The following RNF150 variants were observed in gnomAD, a reference collection of about 807,000 sequenced individuals.
RNF150 encodes the protein ring finger protein 150.
A neutral mutation model predicts 39.3 loss-of-function variants in RNF150; 24 were observed. The ratio of observed to expected loss-of-function variants is 0.61; its 90% confidence interval spans 0.44 to 0.86. The LOEUF is 0.86. Among genes scored for constraint, RNF150 ranks in the 40% least tolerant of loss-of-function variants. RNF150 has a pLI of 0.00. For missense variants in RNF150, 502 were observed against 587.8 expected (o/e 0.85, Z 1.51); for synonymous variants, 255 against 227.3 (o/e 1.12, Z -1.10).
chr4:141,182,155 AATTAGAT>A (rs1429235135), intron 1 of RNF150, among the ~76,000 whole-genome samples: 5 of 148,406 alleles, frequency 3.4e-5, no homozygotes, highest in East Asian at 2.0e-4. Flanking sequence ...ACTCTCAATA[AATTAGAT>A]ATTGATGGGA....
chr4:141,078,908 T>C (rs1738040596), intron 1 of RNF150, among the ~76,000 whole-genome samples: 2 of 145,536 alleles, frequency 1.4e-5, no homozygotes, highest in African/African-American at 2.7e-5. Context: ...TACACATACA[T>C]ATATACACAT....
Position 140,951,920 on chromosome 4 carries a change from T to TA in RNF150, c.736-2549dup, listed in dbSNP as rs149431516. Among the ~76,000 whole-genome samples the TA allele has an allele frequency of 1.4e-4, 22 of 152,018 alleles. 1 individual carries two copies. The South Asian group carries it at 3.7e-3, about 26-fold the overall frequency. On this transcript the variant is annotated intron_variant, in intron 2 of 6. Coordinates refer to ENST00000515673, the MANE Select transcript of RNF150 (RefSeq NM_020724.2). ...TAATATTGCACCTAATTCAATCACT[T>TA]AAAAAAATTTTTTTTGAAGACTAAC...
At position 140,860,626 on chromosome 4, in the gene RNF150, A is replaced by G. The variant is rs1728448597; in HGVS notation, c.*7635T>C. On this transcript the variant is annotated 3_prime_UTR_variant, in exon 7 of 7. Coordinates refer to ENST00000515673, the MANE Select transcript of RNF150 (RefSeq NM_020724.2). Reference sequence around the variant, plus strand: ...TTGTTGCAAGCATTTGTTTACAATAAAAGTAATTTGTGTTAGGATGGAAAA... The same window carrying G: ...TTGTTGCAAGCATTTGTTTACAATAGAAGTAATTTGTGTTAGGATGGAAAA... The G allele has an allele frequency of 1.3e-5, 2 of 152,180 alleles. No homozygotes were observed. The allele number at this position is 152,180 out of a possible 1,614,324, so 9.4% of individuals were successfully genotyped here.
intron 1 of RNF150, among the ~76,000 whole-genome samples, chr4:141,082,259 A>G (rs1007450760): frequency 6.6e-6 from 1 of 152,256 alleles, no homozygotes; most frequent in Admixed American, 6.5e-5. Flanking sequence ...GGCAACATAC[A>G]TAATAACTGA....
chr4:140,890,031 C>A (rs1191293463), intron 6 of RNF150, among the ~76,000 whole-genome samples: 1 of 152,092 alleles, frequency 6.6e-6, no homozygotes, highest in East Asian at 1.9e-4. Flanking sequence ...CACATTAGCT[C>A]CTTTTGTGTC....
chr4:141,191,584 A>G (rs1382961555), intron 1 of RNF150, among the ~76,000 whole-genome samples: 1 of 152,234 alleles, frequency 6.6e-6, no homozygotes, highest in Admixed American at 6.5e-5. Flanking sequence ...TGACTTCAGC[A>G]ATGAAGAGGA....
intron 1 of RNF150, among the ~76,000 whole-genome samples, chr4:141,096,312 T>G (rs1018964524): frequency 6.8e-6 from 1 of 147,014 alleles, no homozygotes; most frequent in African/African-American, 2.5e-5. Context: ...TTCTCCTGCC[T>G]CAGGCTCCTG....
rs111272145 is a variant in RNF150 at position 141,139,707 on chromosome 4, T to C, written c.-6+73087A>G. On this transcript the variant is annotated intron_variant, in intron 1 of 7. Coordinates refer to the RNF150 transcript ENST00000420921. Reference sequence around the variant, plus strand: ...CACTTTATTAACTACATAGACTGTCTTAATTAATTCTCAGGATGATTTTAT... The same window carrying C: ...CACTTTATTAACTACATAGACTGTCCTAATTAATTCTCAGGATGATTTTAT... Among the ~76,000 whole-genome samples, 255 of 152,330 alleles carry C rather than the reference T, an allele frequency of 1.7e-3. 1 individual carries two copies. The highest frequency in any genetic ancestry group is 5.6e-3 in the African/African-American group (233 of 41,566).
chr4:141,074,776 T>C (rs1020071828), intron 1 of RNF150, among the ~76,000 whole-genome samples: 7 of 152,080 alleles, frequency 4.6e-5, no homozygotes, highest in Non-Finnish European at 1.0e-4. Context: ...ATGCTGTTTG[T>C]GATACAAGAA....
intron 4 of RNF150, among the ~76,000 whole-genome samples, chr4:140,939,920 A>T (rs1732017526): frequency 1.3e-5 from 2 of 152,146 alleles, no homozygotes; most frequent in Non-Finnish European, 2.9e-5. Context: ...TCTCTATGTC[A>T]CAGTGCCAGC....
intron 1 of RNF150, among the ~76,000 whole-genome samples, chr4:141,057,346 T>A (rs778287199): frequency 6.6e-6 from 1 of 151,996 alleles, no homozygotes; most frequent in Non-Finnish European, 1.5e-5. Flanking sequence ...TAAAACAATT[T>A]AAAATTTTTT....
chr4:140,990,032 A>T (rs993510041), intron 1 of RNF150, among the ~76,000 whole-genome samples: 1 of 152,220 alleles, frequency 6.6e-6, no homozygotes, highest in African/African-American at 2.4e-5. Flanking sequence ...TGTTTTCAGC[A>T]TCTATTTGAA....
intron 1 of RNF150, among the ~76,000 whole-genome samples, chr4:141,156,148 C>A (rs912659114): frequency 6.6e-6 from 1 of 151,330 alleles, no homozygotes; most frequent in African/African-American, 2.4e-5. Flanking sequence ...TGGCTGGAAA[C>A]CCTGTTTCTA....
intron 1 of RNF150, among the ~76,000 whole-genome samples, chr4:140,991,208 G>C (rs886337664): frequency 3.3e-5 from 5 of 151,806 alleles, no homozygotes; most frequent in African/African-American, 1.2e-4. Flanking sequence ...TTTTTTTCTT[G>C]TAAATTTGTT....
At chr4:141,155,462 T>C (rs1022969434) in intron 1 of RNF150, among the ~76,000 whole-genome samples, 1 of 151,942 alleles carries the variant, frequency 6.6e-6, no homozygotes, top group Admixed American at 6.6e-5. Context: ...CCGAGAAGCA[T>C]AGATTCTGGC....
chr4:141,025,367 A>G, intron 1 of RNF150, among the ~76,000 whole-genome samples: 1 of 152,172 alleles, frequency 6.6e-6, no homozygotes, highest in Non-Finnish European at 1.5e-5. Flanking sequence ...AAGATTACCG[A>G]GCAGGAGGTA....
intron 1 of RNF150, among the ~76,000 whole-genome samples, chr4:141,071,247 G>C (rs934899690): frequency 8.2e-6 from 1 of 122,030 alleles, no homozygotes; most frequent in South Asian, 3.5e-4. Flanking sequence ...TGGGGGGAGG[G>C]GGGAGGGATA....
chr4:140,893,028 T>C lies in RNF150; in HGVS notation c.1198+18116A>G, dbSNP rs577201425. ...GCTGCAGTGAGCCATGATTGCACCA[T>C]TGCAATCCAGCCTGGGAGATGGAGT... is the stretch of plus-strand genomic sequence containing the variant. On this transcript the variant is annotated intron_variant, in intron 6 of 6. Transcript: ENST00000515673. Among the ~76,000 whole-genome samples, 25 of 152,186 alleles carry C rather than the reference T, an allele frequency of 1.6e-4. 1 individual carries two copies. The South Asian group carries it at 4.0e-3, about 24-fold the overall frequency.
intron 6 of RNF150, among the ~76,000 whole-genome samples, chr4:140,876,631 C>T (rs1336354239): frequency 6.6e-6 from 1 of 152,170 alleles, no homozygotes; most frequent in Admixed American, 6.5e-5. Flanking sequence ...CACACGTCAC[C>T]CTCACAATAA....
Sources: allele counts gnomAD v4.1 joint callset (sites outside exome capture counted in the v4.1 genomes callset), GRCh38; gene constraint gnomAD v4.1.1; transcripts MANE v1.5; gene names NCBI Gene and HGNC (gene_info 2026-07-23, HGNC 2026-07-21).